Variants in AOPEP observed in about 807,000 individuals in gnomAD.
The protein encoded by AOPEP is aminopeptidase O.
AOPEP carries 77 observed loss-of-function variants against 98.1 expected under a neutral mutation model. The observed-to-expected ratio is 0.78, with a 90% CI of 0.65 to 0.95. The LOEUF is 0.95. Ranked by LOEUF, AOPEP falls within the 40% of genes least tolerant of loss-of-function variation. The pLI is 0.00. For missense variants in AOPEP, 1,024 were observed against 1,024.7 expected, an observed-to-expected ratio of 1.00 and a Z score of 0.01; for synonymous variants, 346 against 365.3, an observed-to-expected ratio of 0.95 and a Z score of 0.60.
At chr9:95,102,918 C>T in the AOPEP span, among the ~76,000 whole-genome samples, 4 of 152,230 alleles carry the variant, frequency 2.6e-5, no homozygotes, top group East Asian at 1.9e-4. Flanking sequence ...GCAACGAGCC[C>T]GCCAGGGTCA....
chr9:94,820,237 C>G (rs144672792), intron 5 of AOPEP, among the ~76,000 whole-genome samples: 1,665 of 152,212 alleles, frequency 0.011, 35 homozygotes, highest in African/African-American at 0.039. Flanking sequence ...TGAGCCACCG[C>G]GCCTGGCCAG....
downstream of AOPEP, among the ~76,000 whole-genome samples, chr9:95,087,933 G>A (rs1046865867): frequency 5.3e-5 from 8 of 152,228 alleles, no homozygotes; most frequent in African/African-American, 1.7e-4. Flanking sequence ...TGTTTGGGGT[G>A]AAGTGGGGCT....
chr9:95,110,485 G>T, the AOPEP span: 2 of 1,030,516 alleles, frequency 1.9e-6, no homozygotes, highest in African/African-American at 1.7e-5. Context: ...TAATCAGACA[G>T]CAATCCTCAA....
At chr9:94,994,610 G>A (rs1479531393) in intron 11 of AOPEP, among the ~76,000 whole-genome samples, 1 of 152,128 alleles carries the variant, frequency 6.6e-6, no homozygotes, top group African/African-American at 2.4e-5. Flanking sequence ...AGCTATTTTT[G>A]CATCTAGCAC....
the AOPEP span, chr9:95,117,503 T>TC: frequency 7.8e-6 from 6 of 764,992 alleles, no homozygotes; most frequent in Non-Finnish European, 1.4e-5. Flanking sequence ...ACTAACATGG[T>TC]CAGAACACTT....
At chr9:94,896,603 A>C (rs893441821) in intron 5 of AOPEP, among the ~76,000 whole-genome samples, 1 of 152,214 alleles carries the variant, frequency 6.6e-6, no homozygotes, top group South Asian at 2.1e-4. Flanking sequence ...TTATATCTCT[A>C]TTCTTTTTCC....
At chr9:94,847,397 G>T (rs1348639149) in intron 5 of AOPEP, among the ~76,000 whole-genome samples, 10 of 152,220 alleles carry the variant, frequency 6.6e-5, no homozygotes, top group Non-Finnish European at 1.5e-4. Flanking sequence ...CTGATCTTCT[G>T]TGGGATGTGG....
Position 95,087,135 on chromosome 9 carries a change from A to AAATGT in AOPEP, c.*463_*467dup, listed in dbSNP as rs1320033545. The AAATGT allele has an allele frequency of 6.0e-6, 1 of 165,980 alleles. No individual in the cohort carries two copies. Among genetic ancestry groups the AAATGT allele is most frequent in the Non-Finnish European group, 1.2e-5 (1 of 80,672 alleles). The allele number at this position is 165,980 out of a possible 1,614,324, so 10.3% of individuals were successfully genotyped here. ...TGAGAATCTAAGATATATTATTAAT[A>AAATGT]AATGTAATGGATTTTTTTTTTGTAT... On this transcript the variant is annotated 3_prime_UTR_variant, in exon 17 of 17. Coordinates refer to ENST00000375315, the MANE Select transcript of AOPEP (RefSeq NM_001193329.3).
At chr9:95,126,490 T>C in the AOPEP span, 3 of 1,592,198 alleles carry the variant, frequency 1.9e-6, no homozygotes, top group Non-Finnish European at 2.6e-6. Flanking sequence ...ATGGAACCTT[T>C]TTTACATCAA....
At chr9:94,903,346 T>G (rs1403944036) in intron 5 of AOPEP, among the ~76,000 whole-genome samples, 2 of 152,100 alleles carry the variant, frequency 1.3e-5, no homozygotes, top group African/African-American at 2.4e-5. Flanking sequence ...GCTTGTTTGC[T>G]TCTGTTTCAA....
chr9:94,994,262 G>A (rs1446562036), intron 11 of AOPEP, among the ~76,000 whole-genome samples: 1 of 152,156 alleles, frequency 6.6e-6, no homozygotes, highest in Non-Finnish European at 1.5e-5. Flanking sequence ...CTGCAAATGG[G>A]TAAATCTAAG....
intron 7 of AOPEP, among the ~76,000 whole-genome samples, chr9:94,948,065 TTCTC>T (rs1564431475): frequency 1.3e-5 from 2 of 152,242 alleles, no homozygotes; most frequent in Non-Finnish European, 2.9e-5. Context: ...TAAAAACTCT[TTCTC>T]TCTATTAGAT....
chr9:94,914,881 G>A (rs959152824), intron 5 of AOPEP, among the ~76,000 whole-genome samples: 5 of 152,196 alleles, frequency 3.3e-5, no homozygotes, highest in African/African-American at 1.2e-4. Context: ...GTTTTAACAA[G>A]CCTTTCAGGT....
At chr9:94,908,866 G>A (rs533969337) in intron 5 of AOPEP, among the ~76,000 whole-genome samples, 7 of 152,178 alleles carry the variant, frequency 4.6e-5, no homozygotes, top group African/African-American at 9.7e-5. Context: ...TGCAAATCTC[G>A]TCACTGATAA....
At chr9:95,043,436 T>C (rs1487262489) in intron 13 of AOPEP, among the ~76,000 whole-genome samples, 1 of 152,096 alleles carries the variant, frequency 6.6e-6, no homozygotes, top group Non-Finnish European at 1.5e-5. Flanking sequence ...ATAAAACTAA[T>C]TTATGGTTTT....
intron 7 of AOPEP, among the ~76,000 whole-genome samples, chr9:94,954,783 A>T (rs753887778): frequency 3.9e-5 from 6 of 152,230 alleles, no homozygotes; most frequent in Non-Finnish European, 5.9e-5. Context: ...AGTGGATAAC[A>T]TTGAGGCTTT....
intron 16 of AOPEP, among the ~76,000 whole-genome samples, chr9:95,083,400 G>A (rs1587969572): frequency 2.6e-5 from 3 of 117,510 alleles, no homozygotes; most frequent in African/African-American, 6.7e-5. Context: ...CACACACAGC[G>A]CACGCACCAC....
At chr9:95,053,638 C>T (rs1032471623) in intron 13 of AOPEP, among the ~76,000 whole-genome samples, 1 of 152,164 alleles carries the variant, frequency 6.6e-6, no homozygotes, top group African/African-American at 2.4e-5. Context: ...TGTATACTCT[C>T]CTTCAAGATA....
At chr9:94,776,548 C>T (rs1214667058) in intron 3 of AOPEP, among the ~76,000 whole-genome samples, 4 of 152,322 alleles carry the variant, frequency 2.6e-5, no homozygotes, top group South Asian at 2.1e-4. Context: ...GCAGTCCACT[C>T]GCCTCGGCCT....
Sources: gnomAD v4.1 joint callset for allele counts (sites outside exome capture counted in the v4.1 genomes callset) on GRCh38, gnomAD v4.1.1 for gene constraint, MANE v1.5 for transcripts, NCBI Gene and HGNC (gene_info 2026-07-23, HGNC 2026-07-21) for gene names.